The following MACF1 variants were observed in gnomAD, a reference collection of about 807,000 sequenced individuals.
The protein encoded by MACF1 is microtubule actin crosslinking factor 1.
Under a neutral mutation model 854.8 loss-of-function variants are expected in MACF1, and 193 were observed. That is an observed-to-expected ratio of 0.23 (90% confidence interval 0.20 to 0.25). MACF1 has a LOEUF of 0.25. Ranked by LOEUF, MACF1 falls within the 10% of genes least tolerant of loss-of-function variation. MACF1 has a pLI of 1.00. For synonymous variants in MACF1, 3,185 were observed against 3,226.7 expected (o/e 0.99, Z 0.44); for missense variants, 7,722 against 8,929.1 (o/e 0.86, Z 5.45).
At chr1:39,480,069 G>T (rs1644985854) in intron 98 of MACF1, 60 bp downstream of exon 98, 8 of 1,052,260 alleles carry the variant, frequency 7.6e-6, no homozygotes, top group Non-Finnish European at 9.7e-6. Context: ...GATGTTCATT[G>T]TTCACGGTAG....
intron 2 of MACF1, among the ~76,000 whole-genome samples, chr1:39,150,104 A>G (rs1421733641): frequency 6.6e-6 from 1 of 151,644 alleles, no homozygotes; most frequent in Non-Finnish European, 1.5e-5. Flanking sequence ...GCTCACTGCA[A>G]CCTCCTGCAC....
intron 77 of MACF1, 32 bp downstream of exon 77, chr1:39,442,599 TATTG>T: frequency 1.2e-6 from 2 of 1,612,884 alleles, no homozygotes; most frequent in Non-Finnish European, 1.7e-6. Flanking sequence ...TCTCTAACCC[TATTG>T]ATTTGAGACC....
In MACF1 at chr1:39,460,932, A is replaced by G; in HGVS notation, c.21523+138A>G. 3.1e-6 allele frequency: 3 copies of G among 971,530 alleles called. No individual in the cohort carries two copies. The South Asian group carries it at 4.7e-5, about 15-fold the overall frequency. The allele number at this position is 971,530 out of a possible 1,614,324, so 60.2% of individuals were successfully genotyped here. On this transcript the variant is annotated intron_variant, in intron 92 of 100. Coordinates refer to ENST00000564288, the MANE Select transcript of MACF1 (RefSeq NM_001394062.1). The surrounding 1 kb of genome is among the most constrained non-coding windows in gnomAD (Gnocchi z 4.1). The stretch of plus-strand genomic sequence containing the variant: ...ACACCTGTAATTCCAGCACTTTGGG[A>G]GGCAGGTGGCAAAGGCATGGTGGCA...
In MACF1 at chr1:39,334,390, A is replaced by G. The variant is rs998800301; in HGVS notation, c.7802A>G (p.Glu2601Gly). 28 of 1,614,018 alleles carry G rather than the reference A, an allele frequency of 1.7e-5. No homozygotes were observed. The highest frequency in any genetic ancestry group is 2.2e-5 in the Non-Finnish European group (26 of 1,180,010). The part of the protein sequence containing the change: ...QRLTLAEAKK[E>G]GLLTNEAVLS... ...TTGACCTTGGCAGAAGCTAAAAAAG[A>G]AGGACTGTTAACTAATGAAGCAGTA... Residue 2601 changes from glutamate to glycine, a missense_variant, in exon 37 of 101, where the codon GAA becomes GGA. Physicochemically the swap from Glu to Gly is moderately conservative, Grantham distance 98 (BLOSUM62 -2). Transcript: ENST00000564288.
rs1311161174 is a variant in MACF1 at position 39,393,191 on chromosome 1, AAAAAAATATATATAT to A, written c.15816+4535_15816+4549del. ...CCTTCCTGGGAAGGGTAAAAAAAAAAAAAAAATATATATATATATATATATATATATATGTTAAGT... is the reference window on the plus strand; with the variant it reads ...CCTTCCTGGGAAGGGTAAAAAAAAAAATATATATATATATATATGTTAAGT... On this transcript the variant is annotated intron_variant, in intron 58 of 100. Coordinates refer to ENST00000564288, the MANE Select transcript of MACF1 (RefSeq NM_001394062.1). 4.2e-4 allele frequency among the ~76,000 whole-genome samples: 43 copies of A among 102,518 alleles called. 1 individual carries two copies. The highest frequency in any genetic ancestry group is 6.4e-4 in the Non-Finnish European group (34 of 53,120). The allele number at this position is 102,518 out of a possible 152,430, so 67.3% of individuals were successfully genotyped here.
At chr1:39,411,841 G>A (rs1448419123) in intron 58 of MACF1, 4 of 1,613,768 alleles carry the variant, frequency 2.5e-6, no homozygotes, top group Admixed American at 3.3e-5. Flanking sequence ...CCTTTTACAT[G>A]TAAGGGCAAA....
chr1:39,112,801 G>A (rs1642445669), intron 2 of MACF1, among the ~76,000 whole-genome samples: 1 of 152,078 alleles, frequency 6.6e-6, no homozygotes, highest in Non-Finnish European at 1.5e-5. Context: ...CCCTGTACCT[G>A]CCCAAAATGT....
At chr1:39,452,925 A>T in intron 87 of MACF1, 113 bp downstream of exon 87, 1 of 1,314,714 alleles carries the variant, frequency 7.6e-7, no homozygotes, top group Non-Finnish European at 1.0e-6. Flanking sequence ...ATGAAAAGGA[A>T]CAAAACCAGA....
chr1:39,291,863 C>T, intron 15 of MACF1, 47 bp from the exon 16 acceptor site: 1 of 1,579,662 alleles, frequency 6.3e-7, no homozygotes, highest in Non-Finnish European at 8.6e-7. Flanking sequence ...CATTTTCCTA[C>T]CAAGCCAGCA....
chr1:39,468,504 C>T (rs1046633101), intron 95 of MACF1, 111 bp from the exon 96 acceptor site: 39 of 812,428 alleles, frequency 4.8e-5, no homozygotes, highest in Non-Finnish European at 7.4e-5. Context: ...GTTAACAATT[C>T]TTCTGTAGCT....
At chr1:39,200,013 T>C (rs1391127656), upstream of MACF1, among the ~76,000 whole-genome samples, 23 of 152,238 alleles carry the variant, frequency 1.5e-4, no homozygotes, top group Admixed American at 1.5e-3. Flanking sequence ...GAGTTGTTTT[T>C]CCCTGTCCTT....
chr1:39,377,151 C>T (rs1649792436), intron 52 of MACF1, among the ~76,000 whole-genome samples: 1 of 152,116 alleles, frequency 6.6e-6, no homozygotes, highest in Admixed American at 6.5e-5. Context: ...GCTGAGACTA[C>T]AGGCGTCCGC....
At chr1:39,120,443 T>C (rs1209721533) in intron 2 of MACF1, among the ~76,000 whole-genome samples, 5 of 151,770 alleles carry the variant, frequency 3.3e-5, no homozygotes, top group Non-Finnish European at 7.4e-5. Flanking sequence ...CTGCTCACTG[T>C]AACCTCTGCA....
rs369987824 is a variant in MACF1, at chr1:39,344,422, A to G, written c.10582-2555A>G. 3.5e-4 allele frequency among the ~76,000 whole-genome samples: 52 copies of G among 148,780 alleles called. 1 individual carries two copies. In the East Asian group the frequency reaches 5.5e-3, roughly 16 times the overall value. On this transcript the variant is annotated intron_variant, in intron 40 of 100. Transcript: ENST00000564288. ...ACTCCAGCCTGGGTGACAGAGCGCG[A>G]CTCTGTCTCAAAAAAAAAAAAAAAA...
intron 58 of MACF1, chr1:39,411,487 GCTACTGTTCCCAAGGATATACCC>G (rs753704232): frequency 1.2e-6 from 2 of 1,613,692 alleles, no homozygotes; most frequent in South Asian, 2.2e-5. Flanking sequence ...GGACCAGTTG[GCTACTGTTCCCAAGGATATACCC>G]CTGGATTGCG....
intron 1 of MACF1, among the ~76,000 whole-genome samples, chr1:39,207,395 C>T (rs1644463726): frequency 6.6e-6 from 1 of 151,996 alleles, no homozygotes; most frequent in Non-Finnish European, 1.5e-5. Context: ...ATTCTCCTGC[C>T]TCAGTCTCCT....
chr1:39,127,259 C>T (rs1243599458), intron 2 of MACF1, among the ~76,000 whole-genome samples: 1 of 152,152 alleles, frequency 6.6e-6, no homozygotes, highest in East Asian at 1.9e-4. Context: ...CCTGCTAATT[C>T]TGCATTTTGA....
chr1:39,382,093 G>A lies in MACF1; in HGVS notation c.13789G>A (p.Val4597Met), dbSNP rs1650274242. Residue 4597 changes from valine (V) to methionine (M), a missense_variant, in exon 56 of 101, where the codon GTG becomes ATG. Coordinates refer to ENST00000564288, the MANE Select transcript of MACF1 (RefSeq NM_001394062.1). ...GATGGAGAAAGAACTGATGATGGGAGTGCTGGGGCCCCTGTCTATTGACCC... is the reference window on the plus strand; with the variant it reads ...GATGGAGAAAGAACTGATGATGGGAATGCTGGGGCCCCTGTCTATTGACCC... ...WLMEKELMMG[V>M]LGPLSIDPNM... The A allele has an allele frequency of 1.9e-6, 3 of 1,614,152 alleles. No homozygotes were observed. Among genetic ancestry groups the A allele is most frequent in the Non-Finnish European group, 2.5e-6 (3 of 1,180,040 alleles).
At chr1:39,094,416 A>G (rs1028366238) in intron 2 of MACF1, among the ~76,000 whole-genome samples, 29 of 151,266 alleles carry the variant, frequency 1.9e-4, no homozygotes, top group African/African-American at 7.1e-4. Flanking sequence ...AAAAAAAAAA[A>G]GAAAAGAAAA....
Sources: gnomAD v4.1 joint callset for allele counts (sites outside exome capture counted in the v4.1 genomes callset) on GRCh38, gnomAD v4.1.1 for gene constraint, Gnocchi (gnomAD v3.1) non-coding constraint, MANE v1.5 for transcripts, NCBI Gene and HGNC (gene_info 2026-07-23, HGNC 2026-07-21) for gene names.